The following PRKN variants were observed in gnomAD, a reference collection of about 807,000 sequenced individuals.
PRKN encodes the protein E3 ubiquitin-protein ligase parkin.
Under a neutral mutation model 59.5 loss-of-function variants are expected in PRKN, and 56 were observed. The observed-to-expected ratio is 0.94, with a 90% CI of 0.76 to 1.18. The LOEUF is 1.18. Among genes scored for constraint, PRKN ranks in the 50% most tolerant of loss-of-function variants. The pLI is 0.00. For missense variants in PRKN, 657 were observed against 596.4 expected (o/e 1.10, Z -1.06); for synonymous variants, 250 against 222.1 (o/e 1.13, Z -1.12).
intron 1 of PRKN, among the ~76,000 whole-genome samples, chr6:162,550,516 T>A (rs7750033): frequency 0.63 from 95,440 of 151,936 alleles, 30,259 homozygotes; most frequent in South Asian, 0.79. Flanking sequence ...AACACCCCCA[T>A]CCTTGTCAGT....
At chr6:162,581,206 G>A (rs894684318) in intron 1 of PRKN, among the ~76,000 whole-genome samples, 2 of 152,274 alleles carry the variant, frequency 1.3e-5, no homozygotes, top group Non-Finnish European at 1.5e-5. Flanking sequence ...AGATATAGGA[G>A]GTTAAGTGAA....
At chr6:162,501,448 A>G (rs1353601169) in intron 1 of PRKN, among the ~76,000 whole-genome samples, 1 of 151,084 alleles carries the variant, frequency 6.6e-6, no homozygotes, top group Non-Finnish European at 1.5e-5. Context: ...CCCTGGTTCA[A>G]GCAATTCTAG....
intron 7 of PRKN, among the ~76,000 whole-genome samples, chr6:161,717,001 G>C (rs1787011612): frequency 1.3e-5 from 2 of 152,142 alleles, no homozygotes; most frequent in Admixed American, 6.5e-5. Context: ...TGTTCTAATT[G>C]CTGTGTGCAG....
intron 1 of PRKN, among the ~76,000 whole-genome samples, chr6:162,498,906 T>C (rs1382088992): frequency 6.6e-6 from 1 of 152,172 alleles, no homozygotes; most frequent in Non-Finnish European, 1.5e-5. Context: ...ATGATCATTG[T>C]CTAGGTATGA....
At chr6:161,939,734 G>A (rs1016284182) in intron 6 of PRKN, among the ~76,000 whole-genome samples, 1 of 151,100 alleles carries the variant, frequency 6.6e-6, no homozygotes, top group Non-Finnish European at 1.5e-5. Flanking sequence ...CCTCATCTCA[G>A]AAAAAAATAA....
chr6:162,677,292 G>C (rs369726140), intron 1 of PRKN, among the ~76,000 whole-genome samples: 1 of 151,554 alleles, frequency 6.6e-6, no homozygotes, highest in African/African-American at 2.4e-5. Context: ...AAAGACAGAC[G>C]GGCAAGGGCA....
intron 6 of PRKN, among the ~76,000 whole-genome samples, chr6:161,937,586 C>T (rs1210598637): frequency 6.6e-6 from 1 of 152,158 alleles, no homozygotes; most frequent in African/African-American, 2.4e-5. Context: ...CAGTTATCTC[C>T]TGGGCATGGG....
At chr6:162,112,916 C>T (rs1450902305) in intron 4 of PRKN, among the ~76,000 whole-genome samples, 1 of 152,166 alleles carries the variant, frequency 6.6e-6, no homozygotes, top group Admixed American at 6.5e-5. Context: ...GAGCAAGAGC[C>T]TGTCTCAAAG....
chr6:162,496,569 C>T (rs952070305), intron 1 of PRKN, among the ~76,000 whole-genome samples: 11 of 152,144 alleles, frequency 7.2e-5, no homozygotes, highest in Non-Finnish European at 1.0e-4. Context: ...TCAGATGAAA[C>T]AAATCTCTCT....
chr6:162,493,961 T>C (rs1458331569), intron 1 of PRKN, among the ~76,000 whole-genome samples: 1 of 152,216 alleles, frequency 6.6e-6, no homozygotes, highest in Non-Finnish European at 1.5e-5. Flanking sequence ...CTTCCCACTC[T>C]GCAATGTGGT....
chr6:161,743,391 T>C (rs1412216666), intron 7 of PRKN, among the ~76,000 whole-genome samples: 2 of 145,600 alleles, frequency 1.4e-5, no homozygotes, highest in Non-Finnish European at 3.0e-5. Context: ...AGCTTTTTTA[T>C]TTATTTATTT....
Position 161,473,741 on chromosome 6 carries a change from A to C in PRKN, c.1083+75113T>G, listed in dbSNP as rs1261819624. 6.6e-6 allele frequency among the ~76,000 whole-genome samples: 1 copy of C among 152,216 alleles called. No homozygotes were observed. On this transcript the variant is annotated intron_variant, in intron 9 of 11. Coordinates refer to ENST00000366898, the MANE Select transcript of PRKN (RefSeq NM_004562.3). The surrounding 1 kb of genome is among the most constrained non-coding windows in gnomAD (Gnocchi z 4.1). Reference sequence around the variant, plus strand: ...GCTATTACTGTATACGTATGAAAAAAGTAACCATGAAGATGATAAGTATGT... The same window carrying C: ...GCTATTACTGTATACGTATGAAAAACGTAACCATGAAGATGATAAGTATGT...
Position 161,646,481 on chromosome 6 carries a change from G to T in PRKN, c.872-77065C>A, listed in dbSNP as rs573817499. On this transcript the variant is annotated intron_variant, in intron 7 of 11. Coordinates refer to ENST00000366898, the MANE Select transcript of PRKN (RefSeq NM_004562.3). ...GCGTATTAGTGACAGTGGTGACTGCGTGTGCATGCGTGGTGGAGGAGGTGG... is the reference window on the plus strand; with the variant it reads ...GCGTATTAGTGACAGTGGTGACTGCTTGTGCATGCGTGGTGGAGGAGGTGG... Among the ~76,000 whole-genome samples the T allele has an allele frequency of 1.1e-4, 13 of 121,352 alleles. 1 individual carries two copies. The highest frequency in any genetic ancestry group is 3.2e-4 in the African/African-American group (11 of 34,828). 79.6% of individuals were successfully genotyped at this position (121,352 alleles called of 152,430 possible). A position where few individuals can be genotyped will look rare whatever the true frequency, so the allele number is the denominator to read the frequency against.
chr6:161,553,794 T>C (rs1221433111), intron 8 of PRKN, among the ~76,000 whole-genome samples: 1 of 152,230 alleles, frequency 6.6e-6, no homozygotes, highest in Non-Finnish European at 1.5e-5. Context: ...GATTTCCTTC[T>C]TGATGCACAA....
chr6:162,301,785 G>T (rs963299740), intron 2 of PRKN, among the ~76,000 whole-genome samples: 2 of 116,532 alleles, frequency 1.7e-5, no homozygotes, highest in African/African-American at 3.0e-5. Flanking sequence ...GGCCGGGGCG[G>T]GGGGGGGGTG....
chr6:162,242,006 ACATTCCATGGATAATTCTAAAATAAACT>A (rs1416696017), intron 3 of PRKN, among the ~76,000 whole-genome samples: 2 of 152,090 alleles, frequency 1.3e-5, no homozygotes, highest in African/African-American at 2.4e-5. Context: ...CAATTACAAC[ACATTCCATGGATAATTCTAAAATAAACT>A]CCCACATTTA....
intron 4 of PRKN, among the ~76,000 whole-genome samples, chr6:162,196,449 A>G (rs2128328535): frequency 6.6e-6 from 1 of 152,274 alleles, no homozygotes; most frequent in African/African-American, 2.4e-5. Context: ...TGTGTGTTCA[A>G]CTCTGTCTCA....
At chr6:162,243,466 G>A (rs1779072831) in intron 3 of PRKN, among the ~76,000 whole-genome samples, 1 of 151,924 alleles carries the variant, frequency 6.6e-6, no homozygotes, top group Non-Finnish European at 1.5e-5. Context: ...TTAAAACTTG[G>A]TTTTAACACA....
rs191176018 is a variant in PRKN, at chr6:162,656,017, T to C, written c.7+71645A>G. Among the ~76,000 whole-genome samples the C allele has an allele frequency of 9.0e-4, 137 of 152,324 alleles. 1 individual carries two copies. The Middle Eastern group carries it at 0.01, about 11-fold the overall frequency. The stretch of plus-strand genomic sequence containing the variant: ...AAAAAGGCCTATTAGGCCCAAATTA[T>C]ATAAATTATTCTTGAACAGAATAGG... On this transcript the variant is annotated intron_variant, in intron 1 of 11. Transcript: ENST00000366898.
Sources: allele counts gnomAD v4.1 joint callset (sites outside exome capture counted in the v4.1 genomes callset), GRCh38; gene constraint gnomAD v4.1.1; non-coding constraint Gnocchi (gnomAD v3.1); transcripts MANE v1.5; gene names NCBI Gene and HGNC (gene_info 2026-07-23, HGNC 2026-07-21).